Variants in GRAMD1B observed in about 807,000 individuals in gnomAD.
The protein encoded by GRAMD1B is protein Aster-B.
Under a neutral mutation model 99.7 loss-of-function variants are expected in GRAMD1B, and 37 were observed. The observed-to-expected ratio is 0.37, with a 90% CI of 0.29 to 0.49. The LOEUF (loss-of-function observed/expected upper bound fraction) is 0.49. Among genes scored for constraint, GRAMD1B ranks in the 20% least tolerant of loss-of-function variants. The pLI is 0.98. For missense variants in GRAMD1B, 888 were observed against 1,009.2 expected, an observed-to-expected ratio of 0.88 and a Z score of 1.63; for synonymous variants, 427 against 387.6, an observed-to-expected ratio of 1.10 and a Z score of -1.19.
At chr11:123,387,869 A>G (rs1947124437) in intron 1 of GRAMD1B, among the ~76,000 whole-genome samples, 1 of 152,182 alleles carries the variant, frequency 6.6e-6, no homozygotes, top group African/African-American at 2.4e-5. Context: ...CACGCCTGTA[A>G]TCCCAGCACT....
chr11:123,360,809 T>A (rs917631821), intron 1 of GRAMD1B, among the ~76,000 whole-genome samples: 1 of 144,992 alleles, frequency 6.9e-6, no homozygotes, highest in Non-Finnish European at 1.5e-5. Flanking sequence ...CCTTCCTTCC[T>A]TCCTTCCTTC....
intron 1 of GRAMD1B, among the ~76,000 whole-genome samples, chr11:123,422,384 A>G (rs537706935): frequency 2.2e-4 from 34 of 152,340 alleles, no homozygotes; most frequent in Admixed American, 2.0e-3. Context: ...CTCTCAAGGT[A>G]CAGTAGGAAT....
intron 2 of GRAMD1B, among the ~76,000 whole-genome samples, chr11:123,551,304 A>G (rs908673732): frequency 6.6e-6 from 1 of 152,178 alleles, no homozygotes; most frequent in Non-Finnish European, 1.5e-5. Flanking sequence ...CTCAGCTGTA[A>G]CCCATCAGCA....
chr11:123,359,920 A>AT (rs1350352478), intron 1 of GRAMD1B, among the ~76,000 whole-genome samples: 1 of 152,124 alleles, frequency 6.6e-6, no homozygotes, highest in Non-Finnish European at 1.5e-5. Flanking sequence ...TACAAATAGT[A>AT]TTTTTAGTGT....
chr11:123,429,026 G>A (rs1948751618), upstream of GRAMD1B, among the ~76,000 whole-genome samples: 1 of 151,950 alleles, frequency 6.6e-6, no homozygotes, highest in Non-Finnish European at 1.5e-5. This position sits in a 1 kb window ranked among gnomAD's most constrained non-coding sequence, Gnocchi z 4.0. Flanking sequence ...ACCTCATATC[G>A]ACAAAAAGAA....
chr11:123,388,224 T>C (rs1947143993), intron 1 of GRAMD1B, among the ~76,000 whole-genome samples: 1 of 150,878 alleles, frequency 6.6e-6, no homozygotes, highest in African/African-American at 2.4e-5. Context: ...ACTACCTTAG[T>C]GCTATGATTT....
intron 1 of GRAMD1B, among the ~76,000 whole-genome samples, chr11:123,479,661 A>T (rs1951482820): frequency 6.6e-6 from 1 of 152,178 alleles, no homozygotes; most frequent in South Asian, 2.1e-4. Context: ...AAAGGGCCAG[A>T]TGGTGAGCAT....
chr11:123,413,296 C>G (rs538554431), intron 1 of GRAMD1B, among the ~76,000 whole-genome samples: 155 of 152,302 alleles, frequency 1.0e-3, no homozygotes, highest in African/African-American at 3.4e-3. Flanking sequence ...TTCCCTTTAT[C>G]TCTCTGAGAA....
At chr11:123,577,276 T>C (rs1948816148) in intron 2 of GRAMD1B, 91 bp from the exon 3 acceptor site, 2 of 1,107,950 alleles carry the variant, frequency 1.8e-6, no homozygotes, top group South Asian at 1.4e-5. Context: ...GCTGGCTCCT[T>C]TGGGCTTGTC....
At chr11:123,566,858 G>A (rs1271351914) in intron 2 of GRAMD1B, among the ~76,000 whole-genome samples, 1 of 152,186 alleles carries the variant, frequency 6.6e-6, no homozygotes, top group Non-Finnish European at 1.5e-5. Context: ...CATTTTGCTG[G>A]AGGTACTGGG....
At chr11:123,570,873 G>T (rs1025087657) in intron 2 of GRAMD1B, among the ~76,000 whole-genome samples, 15 of 152,228 alleles carry the variant, frequency 9.9e-5, no homozygotes, top group Non-Finnish European at 1.9e-4. Flanking sequence ...TCCTGGCACT[G>T]AGATGATTAC....
At chr11:123,382,824 T>C (rs532713559) in intron 1 of GRAMD1B, among the ~76,000 whole-genome samples, 5 of 152,276 alleles carry the variant, frequency 3.3e-5, no homozygotes, top group African/African-American at 1.2e-4. Flanking sequence ...TCACCTGACC[T>C]GAGCTGTGGC....
At chr11:123,548,158 T>C (rs1223376277) in intron 2 of GRAMD1B, among the ~76,000 whole-genome samples, 2 of 151,696 alleles carry the variant, frequency 1.3e-5, no homozygotes, top group South Asian at 2.1e-4. Context: ...TAGGATGTCA[T>C]AGCTTGTGCC....
intron 2 of GRAMD1B, among the ~76,000 whole-genome samples, chr11:123,507,168 C>A (rs1279613579): frequency 6.6e-6 from 1 of 152,194 alleles, no homozygotes; most frequent in African/African-American, 2.4e-5. Context: ...GTACATTTGA[C>A]TATCAGCCCA....
At chr11:123,607,843 T>C (rs1565456312) in intron 11 of GRAMD1B, 1 of 152,302 alleles carries the variant, frequency 6.6e-6, no homozygotes, top group Non-Finnish European at 1.5e-5. Context: ...ACTGAGGCTT[T>C]AGCAGCTCTC....
chr11:123,546,988 C>T (rs1945094816), intron 2 of GRAMD1B, among the ~76,000 whole-genome samples: 1 of 152,142 alleles, frequency 6.6e-6, no homozygotes, highest in African/African-American at 2.4e-5. Context: ...AACCTGTCAA[C>T]CTGTCTTGAG....
At chr11:123,480,714 T>C in intron 1 of GRAMD1B, 102 bp from the exon 2 acceptor site, 1 of 396,676 alleles carries the variant, frequency 2.5e-6, no homozygotes. Flanking sequence ...ATCTTTAAAA[T>C]TTTGTAACCC....
At chr11:123,392,178 G>C (rs1008129202) in intron 1 of GRAMD1B, among the ~76,000 whole-genome samples, 2 of 151,924 alleles carry the variant, frequency 1.3e-5, no homozygotes, top group Non-Finnish European at 2.9e-5. Flanking sequence ...CATGTGACTG[G>C]GTCAGAATGA....
chr11:123,553,086 T>G (rs760905090), intron 2 of GRAMD1B, among the ~76,000 whole-genome samples: 1 of 152,208 alleles, frequency 6.6e-6, no homozygotes, highest in Non-Finnish European at 1.5e-5. Flanking sequence ...GATACCTGGC[T>G]CCCACCCCCA....
Sources: allele counts gnomAD v4.1 joint callset (sites outside exome capture counted in the v4.1 genomes callset), GRCh38; gene constraint gnomAD v4.1.1; non-coding constraint Gnocchi (gnomAD v3.1); transcripts MANE v1.5; gene names NCBI Gene and HGNC (gene_info 2026-07-23, HGNC 2026-07-21).